The following CNTNAP2 variants were observed in gnomAD, a reference collection of about 807,000 sequenced individuals.
CNTNAP2 encodes the protein contactin associated protein 2.
A neutral mutation model predicts 155.2 loss-of-function variants in CNTNAP2; 98 were observed. The observed-to-expected ratio is 0.63, with a 90% CI of 0.54 to 0.75. CNTNAP2 has a LOEUF of 0.75. Ranked by LOEUF, CNTNAP2 falls within the 30% of genes least tolerant of loss-of-function variation. CNTNAP2 has a pLI of 0.00. For missense variants in CNTNAP2, 1,727 were observed against 1,688.1 expected (o/e 1.02, Z -0.40); for synonymous variants, 651 against 631.2 (o/e 1.03, Z -0.47).
At chr7:146,535,972 A>G (rs1407816695) in intron 1 of CNTNAP2, among the ~76,000 whole-genome samples, 4 of 152,162 alleles carry the variant, frequency 2.6e-5, no homozygotes, top group Admixed American at 2.6e-4. Flanking sequence ...GAGAAAATAT[A>G]TGAAAGGAAT....
chr7:147,386,117 A>G (rs1796621287), intron 9 of CNTNAP2, among the ~76,000 whole-genome samples: 1 of 152,284 alleles, frequency 6.6e-6, no homozygotes, highest in African/African-American at 2.4e-5. Context: ...ACTGGGACAC[A>G]GGGCACCAAG....
At chr7:146,448,532 A>C (rs2129121719) in intron 1 of CNTNAP2, among the ~76,000 whole-genome samples, 1 of 151,026 alleles carries the variant, frequency 6.6e-6, no homozygotes, top group Non-Finnish European at 1.5e-5. Context: ...ATTATACTTT[A>C]AGTTTTAGGG....
At chr7:147,350,815 A>T (rs1795955398) in intron 9 of CNTNAP2, among the ~76,000 whole-genome samples, 1 of 151,872 alleles carries the variant, frequency 6.6e-6, no homozygotes. Flanking sequence ...TTCCTAGTCC[A>T]TGTGCCTGGA....
chr7:146,875,910 A>G (rs988818919), intron 3 of CNTNAP2, among the ~76,000 whole-genome samples: 5 of 126,836 alleles, frequency 3.9e-5, no homozygotes, highest in South Asian at 2.8e-4. Context: ...ACACACGCAC[A>G]CACACACACA....
chr7:146,776,790 A>G (rs1332746125), intron 2 of CNTNAP2, among the ~76,000 whole-genome samples: 2 of 152,160 alleles, frequency 1.3e-5, no homozygotes, highest in African/African-American at 2.4e-5. Flanking sequence ...ACATAATACA[A>G]GATACCACTT....
At chr7:147,730,244 C>T (rs1418279997) in intron 13 of CNTNAP2, among the ~76,000 whole-genome samples, 1 of 152,074 alleles carries the variant, frequency 6.6e-6, no homozygotes, top group Non-Finnish European at 1.5e-5. Flanking sequence ...AAAATCCAAT[C>T]ACAGGCATAA....
At chr7:147,110,728 G>A (rs1479017526) in intron 5 of CNTNAP2, among the ~76,000 whole-genome samples, 2 of 152,168 alleles carry the variant, frequency 1.3e-5, no homozygotes, top group Non-Finnish European at 2.9e-5. Flanking sequence ...TGGCTGCGTA[G>A]TATTCCATGG....
intron 1 of CNTNAP2, among the ~76,000 whole-genome samples, chr7:146,385,384 G>A (rs1175464000): frequency 6.6e-6 from 1 of 151,414 alleles, no homozygotes; most frequent in Non-Finnish European, 1.5e-5. Context: ...TTTAAAACTG[G>A]TAACTGAAAA....
At chr7:146,195,898 G>A (rs1490984469) in intron 1 of CNTNAP2, among the ~76,000 whole-genome samples, 2 of 152,176 alleles carry the variant, frequency 1.3e-5, no homozygotes, top group African/African-American at 4.8e-5. Flanking sequence ...CTGGAAACAT[G>A]TAAGTCAAAC....
chr7:146,504,550 A>G (rs77390210), intron 1 of CNTNAP2, among the ~76,000 whole-genome samples: 10,045 of 152,242 alleles, frequency 0.066, 822 homozygotes, highest in African/African-American at 0.19. Context: ...CAGAAGGAGG[A>G]CAACTTGGGT....
At chr7:148,395,150 C>CTTT (rs71188978) in intron 22 of CNTNAP2, among the ~76,000 whole-genome samples, 4 of 134,236 alleles carry the variant, frequency 3.0e-5, no homozygotes, top group East Asian at 2.2e-4. Context: ...GATTATGTGG[C>CTTT]TTTTTTTTTT....
intron 4 of CNTNAP2, among the ~76,000 whole-genome samples, chr7:147,074,374 C>T (rs1308379830): frequency 1.3e-5 from 2 of 152,162 alleles, no homozygotes; most frequent in African/African-American, 2.4e-5. Flanking sequence ...CATTTCCTCA[C>T]ATCTGCATAT....
chr7:147,700,752 A>T (rs563742130), intron 13 of CNTNAP2, among the ~76,000 whole-genome samples: 25 of 152,358 alleles, frequency 1.6e-4, no homozygotes, highest in African/African-American at 5.8e-4. Flanking sequence ...GAGTGGTGTG[A>T]AACCAGTGTT....
intron 22 of CNTNAP2, among the ~76,000 whole-genome samples, chr7:148,405,279 A>G (rs753923769): frequency 6.6e-6 from 1 of 152,092 alleles, no homozygotes; most frequent in Non-Finnish European, 1.5e-5. Flanking sequence ...TACACCCAAA[A>G]CAATCGTGGA....
intron 1 of CNTNAP2, among the ~76,000 whole-genome samples, chr7:146,312,666 C>T (rs1563033557): frequency 6.6e-6 from 1 of 152,212 alleles, no homozygotes; most frequent in African/African-American, 2.4e-5. Context: ...CACTAAAGTT[C>T]ATTCCTTCAG....
intron 13 of CNTNAP2, among the ~76,000 whole-genome samples, chr7:147,663,392 A>C (rs1001913525): frequency 2.0e-5 from 3 of 152,224 alleles, no homozygotes; most frequent in Non-Finnish European, 4.4e-5. Context: ...CCATTGGTTT[A>C]AGGAATTGAC....
intron 1 of CNTNAP2, among the ~76,000 whole-genome samples, chr7:146,500,850 A>G (rs1035174390): frequency 6.6e-6 from 1 of 152,124 alleles, no homozygotes; most frequent in African/African-American, 2.4e-5. Flanking sequence ...TGTGTTAACT[A>G]TGAGTTGTTC....
At chr7:148,355,291 C>G (rs1413639373) in intron 21 of CNTNAP2, among the ~76,000 whole-genome samples, 1 of 147,032 alleles carries the variant, frequency 6.8e-6, no homozygotes, top group Non-Finnish European at 1.5e-5. Flanking sequence ...ACGCCATTCT[C>G]CTGCCTCAGC....
intron 1 of CNTNAP2, among the ~76,000 whole-genome samples, chr7:146,260,397 A>G (rs1400119609): frequency 1.3e-5 from 2 of 152,172 alleles, no homozygotes; most frequent in African/African-American, 2.4e-5. Context: ...AGATCCACAG[A>G]CAGCTTGGAT....
Sources: allele counts gnomAD v4.1 joint callset (sites outside exome capture counted in the v4.1 genomes callset), GRCh38; gene constraint gnomAD v4.1.1; transcripts MANE v1.5; gene names NCBI Gene and HGNC (gene_info 2026-07-23, HGNC 2026-07-21).